The following DOCK1 variants were observed in gnomAD, a reference collection of about 807,000 sequenced individuals.
DOCK1 encodes dedicator of cytokinesis 1.
In DOCK1, 138 loss-of-function variants were observed where a neutral mutation model predicts 262.7. The observed-to-expected ratio is 0.53, with a 90% CI of 0.46 to 0.61. The LOEUF (loss-of-function observed/expected upper bound fraction) is 0.61. Ranked by LOEUF, DOCK1 falls within the 20% of genes least tolerant of loss-of-function variation. The pLI is 0.00. For synonymous variants in DOCK1, 866 were observed against 867.4 expected (o/e 1.00, Z 0.03); for missense variants, 1,908 against 2,370.7 (o/e 0.80, Z 4.05).
chr10:126,992,750 A>ACT (rs2039886597), intron 6 of DOCK1, among the ~76,000 whole-genome samples: 2 of 143,004 alleles, frequency 1.4e-5, no homozygotes, highest in African/African-American at 5.2e-5. Flanking sequence ...ACACACACAC[A>ACT]CACACACACA....
In DOCK1 at chr10:127,403,066, G is replaced by C; in HGVS notation, c.3939G>C (p.Glu1313Asp). ...ATTTTAACTCACAGATGTGGGAGGA[G>C]GCCATTGCCTTGGGCAAGGAGCTAG... ...HYFDKGKMWE[E>D]AIALGKELAE... Residue 1313 changes from glutamate to aspartate, a missense_variant, in exon 39 of 52, where the codon GAG becomes GAC. By Grantham distance (45) the Glu-to-Asp change is conservative. Coordinates refer to ENST00000623213, the MANE Select transcript of DOCK1 (RefSeq NM_001290223.2). The C allele has an allele frequency of 1.2e-6, 2 of 1,611,980 alleles. No homozygotes were observed. The highest frequency in any genetic ancestry group is 1.7e-6 in the Non-Finnish European group (2 of 1,179,152).
At chr10:126,930,900 T>C (rs2034136721) in intron 1 of DOCK1, among the ~76,000 whole-genome samples, 1 of 152,148 alleles carries the variant, frequency 6.6e-6, no homozygotes, top group South Asian at 2.1e-4. Context: ...AGTTTTGAGA[T>C]GCTTGACCTG....
At chr10:127,285,090 A>T (rs570382423) in intron 29 of DOCK1, among the ~76,000 whole-genome samples, 63 of 151,688 alleles carry the variant, frequency 4.2e-4, no homozygotes, top group African/African-American at 1.5e-3. Flanking sequence ...GTGAGTCGTG[A>T]TCGTGCCACT....
At chr10:127,133,260 A>G (rs574581157) in intron 27 of DOCK1, among the ~76,000 whole-genome samples, 13 of 152,340 alleles carry the variant, frequency 8.5e-5, no homozygotes, top group Admixed American at 1.3e-4. Context: ...CCCAAGACTC[A>G]TAACCAAATA....
At chr10:127,354,583 C>T (rs1590651679) in intron 31 of DOCK1, 86 bp from the exon 32 acceptor site, 1 of 1,519,440 alleles carries the variant, frequency 6.6e-7, no homozygotes, top group East Asian at 2.3e-5. Flanking sequence ...TGCTAGAAGG[C>T]TTTAATTGCA....
chr10:127,340,479 A>G (rs1029522497), intron 30 of DOCK1, among the ~76,000 whole-genome samples: 1 of 152,074 alleles, frequency 6.6e-6, no homozygotes, highest in Admixed American at 6.5e-5. Flanking sequence ...ATGTACCAAC[A>G]TTTATTCAGC....
chr10:127,251,571 C>T (rs2059645627), intron 28 of DOCK1, among the ~76,000 whole-genome samples: 2 of 135,078 alleles, frequency 1.5e-5, no homozygotes, highest in African/African-American at 2.8e-5. Flanking sequence ...GTGATGTTCC[C>T]CTTCCTGTGT....
chr10:126,981,996 A>G, intron 4 of DOCK1, 23 bp downstream of exon 4: 1 of 1,611,346 alleles, frequency 6.2e-7, no homozygotes, highest in Admixed American at 1.7e-5. Context: ...TTGATGTTTA[A>G]ATGAAGAATT....
intron 29 of DOCK1, among the ~76,000 whole-genome samples, chr10:127,318,902 G>T (rs2062400097): frequency 6.6e-6 from 1 of 152,224 alleles, no homozygotes; most frequent in Non-Finnish European, 1.5e-5. Flanking sequence ...CTGCATTGCT[G>T]TGGGCAGGGA....
At chr10:126,934,747 G>GTT (rs1166445414) in intron 1 of DOCK1, among the ~76,000 whole-genome samples, 1,936 of 107,354 alleles carry the variant, frequency 0.018, 101 homozygotes, top group African/African-American at 0.042. Flanking sequence ...GAATTTACGA[G>GTT]TTTTTTTTTT....
At chr10:126,980,872 G>A (rs1044916293) in intron 3 of DOCK1, among the ~76,000 whole-genome samples, 4 of 151,540 alleles carry the variant, frequency 2.6e-5, no homozygotes, top group Admixed American at 6.6e-5. Flanking sequence ...CCCCAACCCC[G>A]TTGCCTCTTT....
In DOCK1 at chr10:127,000,302, T is replaced by C; in HGVS notation, c.980T>C (p.Val327Ala). ...LTSGLRRPFGVAVMDVTDIIN... is the reference protein window; with the variant it reads ...LTSGLRRPFGAAVMDVTDIIN... ...TCGGGGTTGCGGCGACCTTTTGGAG[T>C]GGCTGGTAATCTATTTCTCTGTGTT... The change falls in exon 10 of 52, where the codon GTG (valine) becomes GCG (alanine). Residue 327 changes from valine to alanine, a missense_variant. Physicochemically the swap from Val to Ala is moderately conservative, Grantham distance 64. Transcript: ENST00000623213. 6.2e-7 allele frequency: 1 copy of C among 1,613,754 alleles called. No homozygotes were observed. Among genetic ancestry groups the C allele is most frequent in the African/African-American group, 1.3e-5 (1 of 75,056 alleles).
intron 21 of DOCK1, among the ~76,000 whole-genome samples, chr10:127,049,766 C>G (rs930037196): frequency 6.6e-6 from 1 of 151,580 alleles, no homozygotes; most frequent in African/African-American, 2.4e-5. Flanking sequence ...TTCAAAAAGT[C>G]TAAAATACCG....
intron 13 of DOCK1, among the ~76,000 whole-genome samples, chr10:127,021,920 G>A (rs2042453244): frequency 6.6e-6 from 1 of 152,164 alleles, no homozygotes; most frequent in African/African-American, 2.4e-5. Flanking sequence ...ATGGGCATTT[G>A]CTGCTCTTGA....
At chr10:127,001,956 C>G (rs537630454) in intron 10 of DOCK1, among the ~76,000 whole-genome samples, 1 of 152,308 alleles carries the variant, frequency 6.6e-6, no homozygotes, top group Admixed American at 6.5e-5. Context: ...CTCCTGGGCT[C>G]AAGTGATCCT....
chr10:127,387,036 AGGG>A, intron 38 of DOCK1, among the ~76,000 whole-genome samples: 1 of 41,570 alleles, frequency 2.4e-5, no homozygotes, highest in Non-Finnish European at 4.8e-5. Context: ...CAGAATGGGC[AGGG>A]CAGGGCAGGG....
intron 10 of DOCK1, 119 bp from the exon 11 acceptor site, chr10:127,008,613 A>G: frequency 2.4e-6 from 2 of 851,042 alleles, no homozygotes; most frequent in Non-Finnish European, 3.8e-6. Context: ...AGACTTGACT[A>G]TGAGAAAACA....
intron 40 of DOCK1, among the ~76,000 whole-genome samples, chr10:127,407,076 A>G (rs999955794): frequency 3.9e-5 from 6 of 152,016 alleles, no homozygotes; most frequent in Admixed American, 3.9e-4. Context: ...CCATAATGGT[A>G]CTTCTAAGAC....
intron 25 of DOCK1, among the ~76,000 whole-genome samples, chr10:127,121,819 C>T (rs2049600485): frequency 6.6e-6 from 1 of 152,136 alleles, no homozygotes; most frequent in Non-Finnish European, 1.5e-5. Flanking sequence ...TTAACAGCTA[C>T]CATTTCTTGA....
Sources: allele counts gnomAD v4.1 joint callset (sites outside exome capture counted in the v4.1 genomes callset), GRCh38; gene constraint gnomAD v4.1.1; transcripts MANE v1.5; gene names NCBI Gene and HGNC (gene_info 2026-07-23, HGNC 2026-07-21).